The following ZSWIM6 variants were observed in gnomAD, a reference collection of about 807,000 sequenced individuals.
The protein encoded by ZSWIM6 is zinc finger SWIM domain-containing protein 6.
ZSWIM6 carries 9 observed loss-of-function variants against 113.2 expected under a neutral mutation model. That is an observed-to-expected ratio of 0.08 (90% CI 0.05 to 0.14). The LOEUF is 0.14. ZSWIM6 is among the 10% of genes least tolerant of loss of function. The probability of loss-of-function intolerance (pLI) is 1.00; values close to 1 mark genes in which losing one functional copy is unlikely to be tolerated. For synonymous variants in ZSWIM6, 611 were observed against 606.5 expected (o/e 1.01, Z -0.11); for missense variants, 1,162 against 1,552.2 (o/e 0.75, Z 4.22).
chr5:61,366,854 A>T (rs1407345514), intron 1 of ZSWIM6, among the ~76,000 whole-genome samples: 2 of 150,918 alleles, frequency 1.3e-5, no homozygotes, highest in Non-Finnish European at 2.9e-5. Context: ...GCTGGAACCC[A>T]GGAGGTCGAG....
intron 5 of ZSWIM6, among the ~76,000 whole-genome samples, chr5:61,522,322 A>G (rs1207814176): frequency 6.6e-6 from 1 of 152,134 alleles, no homozygotes; most frequent in Non-Finnish European, 1.5e-5. Context: ...GATTCAGTGC[A>G]TTTTTTGGGA....
At position 61,531,643 on chromosome 5, in the gene ZSWIM6, G is replaced by A. The variant is rs1401543497; in HGVS notation, c.2163G>A (p.Gln721=). The change falls in exon 9 of 14, where the codon CAG becomes CAA. Residue 721 remains glutamine, a synonymous_variant. Coordinates refer to ENST00000252744, the MANE Select transcript of ZSWIM6 (RefSeq NM_020928.2). ...TQEKVCRNEE[Q]LISKLQEIEL... ...AGAAAGTTTGCCGGAATGAGGAGCA[G>A]CTCATTTCTAAGCTTCAGGAAATTG... 3.2e-6 allele frequency: 5 copies of A among 1,551,586 alleles called. No homozygotes were observed. The highest frequency in any genetic ancestry group is 4.4e-6 in the Non-Finnish European group (5 of 1,146,980).
chr5:61,507,138 G>A (rs964334378), intron 4 of ZSWIM6, among the ~76,000 whole-genome samples: 4 of 152,120 alleles, frequency 2.6e-5, no homozygotes, highest in African/African-American at 7.2e-5. Flanking sequence ...GCTTTCTCCA[G>A]TGATATTATA....
intron 1 of ZSWIM6, among the ~76,000 whole-genome samples, chr5:61,335,022 A>G (rs2112018409): frequency 6.6e-6 from 1 of 152,360 alleles, no homozygotes; most frequent in East Asian, 1.9e-4. Context: ...CTGTGAAAAT[A>G]AAGCCAAGGG....
intron 1 of ZSWIM6, among the ~76,000 whole-genome samples, chr5:61,405,314 TTAAA>T (rs1746021742): frequency 6.6e-6 from 1 of 152,250 alleles, no homozygotes; most frequent in Non-Finnish European, 1.5e-5. Context: ...AGTAGATTTT[TTAAA>T]TAAATAGGAT....
chr5:61,366,885 G>A (rs1745165848), intron 1 of ZSWIM6, among the ~76,000 whole-genome samples: 1 of 148,164 alleles, frequency 6.7e-6, no homozygotes, highest in African/African-American at 2.5e-5. Flanking sequence ...CCATAATCTT[G>A]CCACTGTACT....
intron 2 of ZSWIM6, among the ~76,000 whole-genome samples, chr5:61,478,705 T>TTGTGTG (rs3067226): frequency 1.0e-4 from 15 of 147,566 alleles, no homozygotes; most frequent in Admixed American, 9.5e-4. Context: ...GTGTGTGTGT[T>TTGTGTG]TGTGTGTGTG....
chr5:61,518,533 T>C (rs1305188793), intron 4 of ZSWIM6, among the ~76,000 whole-genome samples: 15 of 152,232 alleles, frequency 9.9e-5, no homozygotes, highest in Non-Finnish European at 1.6e-4. Flanking sequence ...ATTTCTCTGA[T>C]GGCCAGTGAT....
intron 1 of ZSWIM6, among the ~76,000 whole-genome samples, chr5:61,414,091 A>T (rs1443198568): frequency 1.3e-5 from 2 of 152,144 alleles, no homozygotes; most frequent in Admixed American, 6.5e-5. Context: ...ATTCCAGTAC[A>T]TTAAAAGGAA....
At chr5:61,539,496 TC>T in intron 11 of ZSWIM6, 99 bp from the exon 12 acceptor site, 2 of 1,330,532 alleles carry the variant, frequency 1.5e-6, no homozygotes, top group Non-Finnish European at 2.0e-6. Flanking sequence ...GTTTCTTTTT[TC>T]CCCCTCTGTG....
chr5:61,381,842 A>T (rs1195450080), intron 1 of ZSWIM6, among the ~76,000 whole-genome samples: 1 of 152,248 alleles, frequency 6.6e-6, no homozygotes, highest in African/African-American at 2.4e-5. Flanking sequence ...GTGTGGATAC[A>T]TGTAATACAA....
Position 61,477,865 on chromosome 5 carries a change from A to G in ZSWIM6, c.1033+4828A>G, listed in dbSNP as rs1239084612. On this transcript the variant is annotated intron_variant, in intron 2 of 13. Transcript: ENST00000252744. ...TTGTTAAGCAAAAAGTATGACTGTC[A>G]TTGTTCGTTCTGTTTTGTTCTTAGT... Among the ~76,000 whole-genome samples, 3 of 152,174 alleles carry G rather than the reference A, an allele frequency of 2.0e-5. No homozygotes were observed. The East Asian group carries it at 5.8e-4, about 29-fold the overall frequency.
intron 1 of ZSWIM6, among the ~76,000 whole-genome samples, chr5:61,374,685 C>G (rs946826311): frequency 6.6e-6 from 1 of 152,154 alleles, no homozygotes; most frequent in African/African-American, 2.4e-5. Context: ...TCCCGAGTAG[C>G]TGGGACTACA....
intron 1 of ZSWIM6, among the ~76,000 whole-genome samples, chr5:61,337,610 A>C (rs891437525): frequency 1.3e-5 from 2 of 152,280 alleles, no homozygotes; most frequent in African/African-American, 4.8e-5. Context: ...CTATGCAACT[A>C]TGAAAAGATG....
chr5:61,440,353 A>G (rs1746799164), intron 1 of ZSWIM6, among the ~76,000 whole-genome samples: 1 of 116,516 alleles, frequency 8.6e-6, no homozygotes, highest in East Asian at 2.3e-4. Context: ...AGTGCTATTC[A>G]TTGGTGTAAA....
intron 3 of ZSWIM6, among the ~76,000 whole-genome samples, chr5:61,492,035 C>T (rs1748193445): frequency 6.6e-6 from 1 of 152,084 alleles, no homozygotes; most frequent in Admixed American, 6.6e-5. Flanking sequence ...GCACTTCAAA[C>T]TCATGTCATG....
intron 1 of ZSWIM6, among the ~76,000 whole-genome samples, chr5:61,455,057 T>C (rs1747174905): frequency 1.3e-5 from 2 of 152,056 alleles, no homozygotes; most frequent in South Asian, 2.1e-4. Flanking sequence ...TTTTAAAAAA[T>C]AGGTATTTGT....
chr5:61,411,620 A>G (rs1010358561), intron 1 of ZSWIM6, among the ~76,000 whole-genome samples: 10 of 152,182 alleles, frequency 6.6e-5, no homozygotes, highest in African/African-American at 2.4e-4. Flanking sequence ...AAACCATACA[A>G]ATTTATTTGT....
At chr5:61,435,731 A>G (rs1215827567) in intron 1 of ZSWIM6, among the ~76,000 whole-genome samples, 1 of 152,132 alleles carries the variant, frequency 6.6e-6, no homozygotes, top group African/African-American at 2.4e-5. Context: ...TAAGAAGCTG[A>G]TTTATTATAT....
Sources: gnomAD v4.1 joint callset for allele counts (sites outside exome capture counted in the v4.1 genomes callset) on GRCh38, gnomAD v4.1.1 for gene constraint, MANE v1.5 for transcripts, NCBI Gene and HGNC (gene_info 2026-07-23, HGNC 2026-07-21) for gene names.